Variants in PCDHGA5 observed in about 807,000 individuals in gnomAD.
The protein encoded by PCDHGA5 is protocadherin gamma-A5.
PCDHGA5 carries 36 observed loss-of-function variants against 56.7 expected under a neutral mutation model. That is an observed-to-expected ratio of 0.64 (90% CI 0.49 to 0.84). PCDHGA5 has a LOEUF of 0.84. Among genes scored for constraint, PCDHGA5 ranks in the 40% least tolerant of loss-of-function variants. The pLI is 0.00. For missense variants in PCDHGA5, 1,305 were observed against 1,201.5 expected (o/e 1.09, Z -1.27); for synonymous variants, 563 against 520.2 (o/e 1.08, Z -1.12).
rs367914755 is a variant in PCDHGA5 at position 141,399,963 on chromosome 5, C to T, written c.2421+33212C>T. ...TGCTGCAGGCTAGCGAGCCCGGGCT[C>T]TTCAGCCTGGGGCTGCGCACAGGAG... On this transcript the variant is annotated intron_variant, in intron 1 of 3. Transcript: ENST00000518069. 793 of 1,612,310 alleles carry T rather than the reference C, an allele frequency of 4.9e-4. 4 individuals are homozygous for T. Among genetic ancestry groups the T allele is most frequent in the Non-Finnish European group, 3.8e-4 (443 of 1,179,704 alleles).
Position 141,489,646 on chromosome 5 carries a change from C to G in PCDHGA5, c.2422-5161C>G, listed in dbSNP as rs1274955075. The G allele has an allele frequency of 1.2e-6, 2 of 1,614,186 alleles. No individual in the cohort carries two copies. Among genetic ancestry groups the G allele is most frequent in the Non-Finnish European group, 1.7e-6 (2 of 1,180,022 alleles). ...TGACAACTCTCCTAGCTTTGCCACC[C>G]CTGAGCGAGAGATGCGCATCTCAGA... On this transcript the variant is annotated intron_variant, in intron 1 of 3. Coordinates refer to ENST00000518069, the MANE Select transcript of PCDHGA5 (RefSeq NM_018918.3). The surrounding 1 kb of genome is among the most constrained non-coding windows in gnomAD (Gnocchi z 4.5).
chr5:141,391,186 A>G (rs772016494), intron 1 of PCDHGA5: 1 of 152,220 alleles, frequency 6.6e-6, no homozygotes, highest in Non-Finnish European at 1.5e-5. Flanking sequence ...TGGTGTGCAT[A>G]CAAAATATAT....
rs373297942 is a variant in PCDHGA5 at position 141,431,494 on chromosome 5, C to G, written c.2422-63313C>G. ...ACAACGCACCAGCGTTTGCTCAGCCCGAGTACCGCGCGAGCGTTCCGGAGA... is the reference window on the plus strand; with the variant it reads ...ACAACGCACCAGCGTTTGCTCAGCCGGAGTACCGCGCGAGCGTTCCGGAGA... On this transcript the variant is annotated intron_variant, in intron 1 of 3. Transcript: ENST00000518069. This position sits in a 1 kb window ranked among gnomAD's most constrained non-coding sequence, Gnocchi z 4.8. 16 of 1,613,838 alleles carry G rather than the reference C, an allele frequency of 9.9e-6. No individual in the cohort carries two copies. The highest frequency in any genetic ancestry group is 1.4e-5 in the Non-Finnish European group (16 of 1,180,030).
chr5:141,435,396 G>A (rs562717014), intron 1 of PCDHGA5, among the ~76,000 whole-genome samples: 46 of 152,096 alleles, frequency 3.0e-4, no homozygotes, highest in African/African-American at 9.4e-4. Context: ...TTGCCATGAC[G>A]AAAAATGGTA....
chr5:141,444,238 C>T (rs1011385887), intron 1 of PCDHGA5, among the ~76,000 whole-genome samples: 6 of 125,052 alleles, frequency 4.8e-5, no homozygotes, highest in Non-Finnish European at 9.4e-5. Context: ...ATGGCATGCT[C>T]TCGGCTCACT....
chr5:141,486,725 C>A lies in PCDHGA5; in HGVS notation c.2422-8082C>A. 1 of 1,614,182 alleles carries A rather than the reference C, an allele frequency of 6.2e-7. No individual in the cohort carries two copies. The highest frequency in any genetic ancestry group is 1.1e-5 in the South Asian group (1 of 91,076). On this transcript the variant is annotated intron_variant, in intron 1 of 3. Transcript: ENST00000518069. The surrounding 1 kb of genome is among the most constrained non-coding windows in gnomAD (Gnocchi z 5.0). ...TCTGAACCCCCAGACAGGAGCTGTT[C>A]ATGCTACTCGATCCTTTGACTATGA...
chr5:141,485,387 C>T lies in PCDHGA5; in HGVS notation c.2422-9420C>T. The T allele has an allele frequency of 6.2e-7, 1 of 1,614,078 alleles. No homozygotes were observed. Among genetic ancestry groups the T allele is most frequent in the Non-Finnish European group, 8.5e-7 (1 of 1,179,994 alleles). On this transcript the variant is annotated intron_variant, in intron 1 of 3. Coordinates refer to ENST00000518069, the MANE Select transcript of PCDHGA5 (RefSeq NM_018918.3). This position sits in a 1 kb window ranked among gnomAD's most constrained non-coding sequence, Gnocchi z 5.7. ...GCTGCAGGTCGCTGGAGAGGTGAAC[C>T]AAAGACACTTCCGTGTGGATTTGGA...
chr5:141,466,016 G>A (rs1592991828), intron 1 of PCDHGA5, among the ~76,000 whole-genome samples: 2 of 152,032 alleles, frequency 1.3e-5, no homozygotes, highest in East Asian at 3.9e-4. Flanking sequence ...CAGCTACTCG[G>A]GAGGGTGAGG....
intron 1 of PCDHGA5, chr5:141,402,791 C>A: frequency 1.0e-6 from 1 of 998,930 alleles, no homozygotes; most frequent in Non-Finnish European, 1.4e-6. Context: ...TCTGCGGCTA[C>A]ACAAAACCCG....
intron 1 of PCDHGA5, chr5:141,384,214 T>C (rs1305082096): frequency 6.2e-6 from 10 of 1,613,756 alleles, no homozygotes; most frequent in South Asian, 1.1e-5. Flanking sequence ...AACTCACATA[T>C]TCATGCAGGT....
At chr5:141,429,105 C>G (rs936114624) in intron 1 of PCDHGA5, 1 of 152,318 alleles carries the variant, frequency 6.6e-6, no homozygotes, top group Non-Finnish European at 1.5e-5. Flanking sequence ...CTGCCCGCCT[C>G]GGCCTCCCAA....
chr5:141,476,049 C>T lies in PCDHGA5; in HGVS notation c.2422-18758C>T. 2.0e-6 allele frequency: 3 copies of T among 1,501,848 alleles called. No homozygotes were observed. The South Asian group carries it at 4.0e-5, about 20-fold the overall frequency. 93.0% of individuals were successfully genotyped at this position (1,501,848 alleles called of 1,614,324 possible). ...CGCCCAGCGCCCAAGCGCTAACCCG[C>T]TGAAAGTTTCTCAGCGAAATCTCAG... On this transcript the variant is annotated intron_variant, in intron 1 of 3. Coordinates refer to ENST00000518069, the MANE Select transcript of PCDHGA5 (RefSeq NM_018918.3). This position sits in a 1 kb window ranked among gnomAD's most constrained non-coding sequence, Gnocchi z 7.6.
At position 141,409,990 on chromosome 5, in the gene PCDHGA5, C is replaced by G. The variant is rs377295503; in HGVS notation, c.2421+43239C>G. On this transcript the variant is annotated intron_variant, in intron 1 of 3. Transcript: ENST00000518069. The stretch of plus-strand genomic sequence containing the variant: ...TGACTAAGGTGGTAGCGGTGGACGC[C>G]GACTCGGGACACAACGCCTGGCTGT... 2.7e-5 allele frequency: 44 copies of G among 1,613,278 alleles called. No homozygotes were observed. The African/African-American group carries it at 5.3e-4, about 20-fold the overall frequency.
chr5:141,408,549 T>C, intron 1 of PCDHGA5: 1 of 1,614,016 alleles, frequency 6.2e-7, no homozygotes, highest in Non-Finnish European at 8.5e-7. Flanking sequence ...CCTTTAAATA[T>C]TTTTCATGTC....
At chr5:141,471,708 T>G (rs1359785951) in intron 1 of PCDHGA5, among the ~76,000 whole-genome samples, 1 of 152,138 alleles carries the variant, frequency 6.6e-6, no homozygotes, top group Non-Finnish European at 1.5e-5. Context: ...GGAATAGAAG[T>G]GCCACTTACC....
chr5:141,374,543 C>T (rs755927894), intron 1 of PCDHGA5: 3 of 1,613,376 alleles, frequency 1.9e-6, no homozygotes, highest in South Asian at 1.1e-5. Context: ...TCGTTTTCCA[C>T]TAATGGAGGT....
At chr5:141,465,775 T>TA (rs2099108994) in intron 1 of PCDHGA5, among the ~76,000 whole-genome samples, 1 of 152,030 alleles carries the variant, frequency 6.6e-6, no homozygotes, top group African/African-American at 2.4e-5. Context: ...CATCTCTTGT[T>TA]ACAGTTTTTT....
chr5:141,431,066 CAATT>C lies in PCDHGA5; in HGVS notation c.2422-63738_2422-63735del, dbSNP rs762972663. ...GCTCTGTATGGGGGCCATCAAGTGT[CAATT>C]AAATCTAGACATTCTGATGGAGGAT... On this transcript the variant is annotated intron_variant, in intron 1 of 3. Transcript: ENST00000518069. This position sits in a 1 kb window ranked among gnomAD's most constrained non-coding sequence, Gnocchi z 4.8. 9 of 1,614,042 alleles carry C rather than the reference CAATT, an allele frequency of 5.6e-6. No individual in the cohort carries two copies. The East Asian group carries it at 2.0e-4, about 36-fold the overall frequency.
chr5:141,376,315 A>T, intron 1 of PCDHGA5: 2 of 1,614,178 alleles, frequency 1.2e-6, no homozygotes, highest in Non-Finnish European at 1.7e-6. Flanking sequence ...TGGGCGTGGA[A>T]GGGGTTCGGG....
Sources: gnomAD v4.1 joint callset for allele counts (sites outside exome capture counted in the v4.1 genomes callset) on GRCh38, gnomAD v4.1.1 for gene constraint, Gnocchi (gnomAD v3.1) non-coding constraint, MANE v1.5 for transcripts, NCBI Gene and HGNC (gene_info 2026-07-23, HGNC 2026-07-21) for gene names.